GOLGB1: variants seen among roughly 807,000 people sequenced by gnomAD.
GOLGB1 encodes the protein golgin subfamily B member 1.
Under a neutral mutation model 336.9 loss-of-function variants are expected in GOLGB1, and 174 were observed. That is an observed-to-expected ratio of 0.52 (90% CI 0.46 to 0.59). The LOEUF (loss-of-function observed/expected upper bound fraction) is 0.59. Ranked by LOEUF, GOLGB1 falls within the 20% of genes least tolerant of loss-of-function variation. The pLI is 0.00. For missense variants in GOLGB1, 3,331 were observed against 3,645.3 expected (o/e 0.91, Z 2.22); for synonymous variants, 1,208 against 1,289.2 (o/e 0.94, Z 1.35).
In GOLGB1 at chr3:121,696,202, T is replaced by C; in HGVS notation, c.4321A>G (p.Ile1441Val). Residue 1441 changes from isoleucine (I) to valine (V), a missense_variant, in exon 13 of 22, where the codon ATT becomes GTT. Coordinates refer to ENST00000614479, the MANE Select transcript of GOLGB1 (RefSeq NM_001366282.2). ...TCTAGCTGTGTATGCAGAGCCTTAATTAAATCTTCTTGTTCTATTATCTCT... is the reference window on the plus strand; with the variant it reads ...TCTAGCTGTGTATGCAGAGCCTTAACTAAATCTTCTTGTTCTATTATCTCT... ...QTEIIEQEDL[I>V]KALHTQLEMQ... 6 of 1,614,110 alleles carry C rather than the reference T, an allele frequency of 3.7e-6. No homozygotes were observed. Among genetic ancestry groups the C allele is most frequent in the Non-Finnish European group, 4.2e-6 (5 of 1,179,974 alleles).
intron 1 of GOLGB1, chr3:121,749,013 T>C: frequency 4.9e-6 from 3 of 611,578 alleles, no homozygotes; most frequent in Non-Finnish European, 6.1e-6. Context: ...TGCCCACCTC[T>C]GATTCCTGGG....
chr3:121,729,913 A>G lies in GOLGB1; in HGVS notation c.201T>C (p.Ile67=). Residue 67 remains isoleucine (I), a synonymous_variant, in exon 3 of 22, where the codon ATT becomes ATC. Coordinates refer to ENST00000614479, the MANE Select transcript of GOLGB1 (RefSeq NM_001366282.2). The part of the protein sequence containing the change: ...AEQLVVELKD[I]IRQKDVQLQQ... ...GCAGTTGAACATCCTTCTGTCTAAT[A>G]ATATCTTTTAGCTCCACCACCAATT... The G allele has an allele frequency of 6.2e-7, 1 of 1,611,850 alleles. No individual in the cohort carries two copies. Among genetic ancestry groups the G allele is most frequent in the East Asian group, 2.2e-5 (1 of 44,878 alleles).
At chr3:121,671,159 T>C (rs1284993104) in intron 17 of GOLGB1, among the ~76,000 whole-genome samples, 1 of 152,230 alleles carries the variant, frequency 6.6e-6, no homozygotes, top group Non-Finnish European at 1.5e-5. Flanking sequence ...TGTCTGAGCC[T>C]GAAGGAAAAG....
Position 121,668,080 on chromosome 3 carries a change from G to T in GOLGB1, c.9400C>A (p.Leu3134Ile). Residue 3134 changes from leucine to isoleucine, a missense_variant, in exon 19 of 22, where the codon CTA (leucine) becomes ATA (isoleucine). Physicochemically the swap from Leu to Ile is conservative, Grantham distance 5 (BLOSUM62 2). Transcript: ENST00000614479. The stretch of plus-strand genomic sequence containing the variant: ...CCCTACCTTTGCTGCGGTTCCCTTA[G>T]TTCCTCAGGGTCACTCTTTCTGTGA... ...GVHRKSDPEELREPQQSFSEA... is the reference protein window; with the variant it reads ...GVHRKSDPEEIREPQQSFSEA... The T allele has an allele frequency of 6.2e-7, 1 of 1,601,660 alleles. No homozygotes were observed. The highest frequency in any genetic ancestry group is 8.5e-7 in the Non-Finnish European group (1 of 1,172,126).
chr3:121,717,227 A>G (rs1944856083), intron 8 of GOLGB1, 88 bp from the exon 9 acceptor site: 1 of 977,916 alleles, frequency 1.0e-6, no homozygotes, highest in Admixed American at 2.7e-5. Context: ...ATAGGATGGA[A>G]AAAAATGGGA....
intron 4 of GOLGB1, among the ~76,000 whole-genome samples, chr3:121,727,293 C>CATATATATATATATAT (rs1235174337): frequency 7.3e-5 from 2 of 27,582 alleles, no homozygotes; most frequent in Admixed American, 8.1e-4. Context: ...CACACACACA[C>CATATATATATATATAT]ATATATATAT....
intron 12 of GOLGB1, 42 bp from the exon 13 acceptor site, chr3:121,698,971 TA>T (rs1943177610): frequency 7.1e-7 from 1 of 1,409,596 alleles, no homozygotes. Context: ...TCAAATGTTT[TA>T]TAACATTAAA....
Position 121,681,844 on chromosome 3 carries a change from G to T in GOLGB1, c.8716C>A (p.Gln2906Lys). The part of the protein sequence containing the change: ...DRLLKELKNL[Q>K]QQYLQINQEI... ...TGATTAATCTGTAAGTATTGCTGCT[G>T]CAGATTCTTCAATTCCTTCAGCTTT... The change falls in exon 15 of 22, where the codon CAG becomes AAG. Residue 2906 changes from glutamine (Q) to lysine (K), a missense_variant. Gln to Lys is a moderately conservative substitution (Grantham distance 53). Coordinates refer to ENST00000614479, the MANE Select transcript of GOLGB1 (RefSeq NM_001366282.2). 6.2e-7 allele frequency: 1 copy of T among 1,602,804 alleles called. No individual in the cohort carries two copies. Among genetic ancestry groups the T allele is most frequent in the Non-Finnish European group, 8.5e-7 (1 of 1,171,838 alleles).
rs1943093649 is a variant in GOLGB1 at position 121,697,988 on chromosome 3, C to T, written c.2535G>A (p.Leu845=). Residue 845 remains leucine, a synonymous_variant, in exon 13 of 22, where the codon CTG becomes CTA. Coordinates refer to ENST00000614479, the MANE Select transcript of GOLGB1 (RefSeq NM_001366282.2). ...STLIRSLQSQ[L]QNKESEVLEG... ...CAAGCACTTCACTTTCCTTATTTTG[C>T]AGCTGGCTTTGCAGGCTTCTTATCA... The T allele has an allele frequency of 1.9e-6, 3 of 1,613,958 alleles. No individual in the cohort carries two copies. The highest frequency in any genetic ancestry group is 2.5e-6 in the Non-Finnish European group (3 of 1,179,968).
Position 121,668,057 on chromosome 3 carries a change from C to G in GOLGB1, c.9419+4G>C. The G allele has an allele frequency of 6.5e-7, 1 of 1,547,258 alleles. No homozygotes were observed. Among genetic ancestry groups the G allele is most frequent in the Non-Finnish European group, 8.9e-7 (1 of 1,128,984 alleles). On this transcript the variant is annotated splice_donor_region_variant and intron_variant, in intron 19 of 21. Coordinates refer to ENST00000614479, the MANE Select transcript of GOLGB1 (RefSeq NM_001366282.2). ...CTCCAGGGTTTAGAGAGCCACTCCC[C>G]TACCTTTGCTGCGGTTCCCTTAGTT...
Position 121,667,462 on chromosome 3 carries a change from C to T in GOLGB1, c.9554+14G>A, listed in dbSNP as rs1473181988. On this transcript the variant is annotated intron_variant, in intron 20 of 21. Transcript: ENST00000614479. ...GATCGGAAGGGAACAGAGGCTATCT[C>T]CTTCAGCCTTTACCGTCTGATCTGC... is the stretch of plus-strand genomic sequence containing the variant. 1 of 1,612,166 alleles carries T rather than the reference C, an allele frequency of 6.2e-7. No homozygotes were observed. The highest frequency in any genetic ancestry group is 8.5e-7 in the Non-Finnish European group (1 of 1,178,530).
At chr3:121,686,146 A>G (rs888727980) in intron 14 of GOLGB1, among the ~76,000 whole-genome samples, 1 of 152,238 alleles carries the variant, frequency 6.6e-6, no homozygotes, top group African/African-American at 2.4e-5. Context: ...TCACAACTGC[A>G]CAGTGTTCTC....
chr3:121,709,658 A>G (rs1944178660), intron 10 of GOLGB1, among the ~76,000 whole-genome samples: 1 of 152,216 alleles, frequency 6.6e-6, no homozygotes, highest in Admixed American at 6.5e-5. Context: ...AAACCACAAC[A>G]TAACAAGCTA....
rs1367653529 is a variant in GOLGB1 at position 121,702,503 on chromosome 3, C to T, written c.1497G>A (p.Leu499=). The T allele has an allele frequency of 1.3e-6, 2 of 1,495,250 alleles. No individual in the cohort carries two copies. Among genetic ancestry groups the T allele is most frequent in the Non-Finnish European group, 1.8e-6 (2 of 1,118,400 alleles). 92.6% of individuals were successfully genotyped at this position (1,495,250 alleles called of 1,614,324 possible). A position where few individuals can be genotyped will look rare whatever the true frequency, so the allele number is the denominator to read the frequency against. ...TACCATTCTCAGCTTTCAGCTCCTC[C>T]AGCTCTATAGAACTAAGGAGCAAGG... The part of the protein sequence containing the change: ...KGALLLSSIE[L]EELKAENEKL... The change falls in exon 11 of 22, where the codon CTG becomes CTA. Residue 499 remains leucine (L), a synonymous_variant. Transcript: ENST00000614479.
Position 121,693,666 on chromosome 3 carries a change from G to T in GOLGB1, c.6782+75C>A, listed in dbSNP as rs1281812634. 7.3e-6 allele frequency: 8 copies of T among 1,094,846 alleles called. No individual in the cohort carries two copies. In the Admixed American group the frequency reaches 1.8e-4, roughly 24 times the overall value. 67.8% of individuals were successfully genotyped at this position (1,094,846 alleles called of 1,614,324 possible). On this transcript the variant is annotated intron_variant, in intron 13 of 21. Coordinates refer to ENST00000614479, the MANE Select transcript of GOLGB1 (RefSeq NM_001366282.2). ...CCAAAATTAGTCCCATTGTCTAAAA[G>T]GAAACAGAAATAGTTTAGAGACTTT... is the stretch of plus-strand genomic sequence containing the variant.
chr3:121,693,311 A>AC (rs1346151695), intron 13 of GOLGB1, among the ~76,000 whole-genome samples: 1 of 152,142 alleles, frequency 6.6e-6, no homozygotes, highest in Non-Finnish European at 1.5e-5. Context: ...ACATGGTGAA[A>AC]CCCCCTCTCT....
At chr3:121,711,934 T>C (rs1009382954) in intron 10 of GOLGB1, among the ~76,000 whole-genome samples, 1 of 152,206 alleles carries the variant, frequency 6.6e-6, no homozygotes, top group African/African-American at 2.4e-5. Context: ...AAATCTCATC[T>C]GTCTTTTTTT....
At position 121,696,189 on chromosome 3, in the gene GOLGB1, T is replaced by G; in HGVS notation, c.4334A>C (p.His1445Pro). ...IEQEDLIKALHTQLEMQAKEH... is the reference protein window; with the variant it reads ...IEQEDLIKALPTQLEMQAKEH... Reference sequence around the variant, plus strand: ...TTTGGCTTGCATTTCTAGCTGTGTATGCAGAGCCTTAATTAAATCTTCTTG... The same window carrying G: ...TTTGGCTTGCATTTCTAGCTGTGTAGGCAGAGCCTTAATTAAATCTTCTTG... Residue 1445 changes from histidine to proline, a missense_variant, in exon 13 of 22, where the codon CAT (histidine) becomes CCT (proline). His to Pro is a moderately conservative substitution (Grantham distance 77, BLOSUM62 -2). Coordinates refer to ENST00000614479, the MANE Select transcript of GOLGB1 (RefSeq NM_001366282.2). The G allele has an allele frequency of 1.2e-6, 2 of 1,614,106 alleles. No homozygotes were observed. Among genetic ancestry groups the G allele is most frequent in the Non-Finnish European group, 1.7e-6 (2 of 1,179,964 alleles).
At chr3:121,728,858 T>C (rs902362774) in intron 4 of GOLGB1, among the ~76,000 whole-genome samples, 1 of 152,224 alleles carries the variant, frequency 6.6e-6, no homozygotes, top group Non-Finnish European at 1.5e-5. Flanking sequence ...TTTAATCTTC[T>C]AATCAATGAT....
Sources: gnomAD v4.1 joint callset for allele counts (sites outside exome capture counted in the v4.1 genomes callset) on GRCh38, gnomAD v4.1.1 for gene constraint, MANE v1.5 for transcripts, NCBI Gene and HGNC (gene_info 2026-07-23, HGNC 2026-07-21) for gene names.